The following VPS53 variants were observed in gnomAD, a reference collection of about 807,000 sequenced individuals.
VPS53 encodes the protein VPS53 subunit of GARP complex.
A neutral mutation model predicts 107.0 loss-of-function variants in VPS53; 70 were observed. The ratio of observed to expected loss-of-function variants is 0.65; its 90% CI spans 0.54 to 0.80. The LOEUF is 0.80. Among genes scored for constraint, VPS53 ranks in the 30% least tolerant of loss-of-function variants. The probability of loss-of-function intolerance (pLI) is 0.00; values close to 1 mark genes in which losing one functional copy is unlikely to be tolerated. For missense variants in VPS53, 917 were observed against 1,049.4 expected (o/e 0.87, Z 1.74); for synonymous variants, 409 against 393.3 (o/e 1.04, Z -0.47).
chr17:550,806 G>A (rs1041437504), intron 17 of VPS53, among the ~76,000 whole-genome samples: 1 of 151,642 alleles, frequency 6.6e-6, no homozygotes, highest in Admixed American at 6.6e-5. Context: ...ATGAGGTAGC[G>A]CTCAGTAAGT....
intron 7 of VPS53, among the ~76,000 whole-genome samples, chr17:650,591 T>C (rs1193106938): frequency 6.6e-6 from 1 of 152,116 alleles, no homozygotes; most frequent in East Asian, 1.9e-4. Flanking sequence ...TAGATAAAAA[T>C]GAAAAACAAC....
intron 4 of VPS53, among the ~76,000 whole-genome samples, chr17:677,554 T>C (rs148649508): frequency 3.5e-4 from 54 of 152,260 alleles, no homozygotes; most frequent in African/African-American, 1.3e-3. Context: ...TGGTTGTACA[T>C]TATGAATGTA....
At chr17:691,865 A>G (rs1205891088) in intron 4 of VPS53, among the ~76,000 whole-genome samples, 2 of 152,166 alleles carry the variant, frequency 1.3e-5, no homozygotes, top group Non-Finnish European at 2.9e-5. Flanking sequence ...ACTGTGCCTA[A>G]TTTGCATGCT....
At chr17:710,670 A>G in intron 1 of VPS53, 57 bp from the exon 2 acceptor site, 3 of 1,343,900 alleles carry the variant, frequency 2.2e-6, no homozygotes, top group Non-Finnish European at 3.1e-6. Context: ...AAATATATAT[A>G]ATTTTAATTT....
At position 512,570 on chromosome 17, in the gene VPS53, G is replaced by A. The variant is rs1417383923; in HGVS notation, c.*6558C>T. On this transcript the variant is annotated 3_prime_UTR_variant, in exon 22 of 22. Coordinates refer to ENST00000437048, the MANE Select transcript of VPS53 (RefSeq NM_001128159.3). ...GCAATGCCCTTCCAGGTGGGCTACA[G>A]GGAAGGTTCTTTTCTCATTAGGTTG... The A allele has an allele frequency of 6.6e-6, 1 of 152,214 alleles. No homozygotes were observed. The highest frequency in any genetic ancestry group is 1.5e-5 in the Non-Finnish European group (1 of 68,040). The allele number at this position is 152,214 out of a possible 1,614,324, so 9.4% of individuals were successfully genotyped here. A position where few individuals can be genotyped will look rare whatever the true frequency, so the allele number is the denominator to read the frequency against.
chr17:693,147 A>G (rs1972833578), intron 4 of VPS53, among the ~76,000 whole-genome samples: 1 of 152,088 alleles, frequency 6.6e-6, no homozygotes, highest in Non-Finnish European at 1.5e-5. Context: ...CAAAACAAAA[A>G]ACAAAGAAGC....
In VPS53 at chr17:623,529, T is replaced by G; in HGVS notation, c.1116+4A>C. Reference sequence around the variant, plus strand: ...ACGTGGCAGCTCCCTAGGGAAGGTCTTACCAGGGTCCCATCGGTCAGGGTG... The same window carrying G: ...ACGTGGCAGCTCCCTAGGGAAGGTCGTACCAGGGTCCCATCGGTCAGGGTG... On this transcript the variant is annotated splice_donor_region_variant and intron_variant, in intron 11 of 21. Transcript: ENST00000437048. The G allele has an allele frequency of 6.2e-7, 1 of 1,611,160 alleles. No homozygotes were observed. Among genetic ancestry groups the G allele is most frequent in the Non-Finnish European group, 8.5e-7 (1 of 1,177,808 alleles).
rs549156326 is a variant in VPS53 at position 634,809 on chromosome 17, G to T, written c.609-3181C>A. Among the ~76,000 whole-genome samples the T allele has an allele frequency of 9.9e-3, 1,505 of 151,490 alleles. 24 individuals are homozygous for T. Among genetic ancestry groups the T allele is most frequent in the African/African-American group, 0.034 (1,406 of 41,332 alleles). On this transcript the variant is annotated intron_variant, in intron 7 of 21. Transcript: ENST00000437048. ...CCAGTCTATCATTGATGGACATTTG[G>T]GTTGGTTCCAAGTCTTTGCTATTGT...
intron 4 of VPS53, among the ~76,000 whole-genome samples, chr17:694,254 T>C (rs1051576395): frequency 6.6e-6 from 1 of 152,184 alleles, no homozygotes; most frequent in Non-Finnish European, 1.5e-5. Flanking sequence ...AAATGTGGTC[T>C]TGCTCTGTGA....
chr17:695,533 T>A (rs556898132), intron 4 of VPS53, among the ~76,000 whole-genome samples: 2 of 151,980 alleles, frequency 1.3e-5, no homozygotes, highest in East Asian at 3.9e-4. Context: ...GAATTTTGAA[T>A]GCCAAGCAAA....
At chr17:585,977 T>TA (rs1053085514) in intron 13 of VPS53, among the ~76,000 whole-genome samples, 1 of 152,134 alleles carries the variant, frequency 6.6e-6, no homozygotes, top group Admixed American at 6.5e-5. Context: ...CCTGACACTG[T>TA]AAAGCTTTGT....
At position 513,798 on chromosome 17, in the gene VPS53, T is replaced by C. The variant is rs1373904552; in HGVS notation, c.*5330A>G. ...TCCAGCAGGTTATTCCGAGTGCTCT[T>C]CCTAGCGAAGGAATCCCATTTCCAG... On this transcript the variant is annotated 3_prime_UTR_variant, in exon 22 of 22. Transcript: ENST00000437048. The C allele has an allele frequency of 7.5e-6, 1 of 133,880 alleles. No homozygotes were observed. The highest frequency in any genetic ancestry group is 1.6e-5 in the Non-Finnish European group (1 of 62,034). 8.3% of individuals were successfully genotyped at this position (133,880 alleles called of 1,614,324 possible).
At position 667,404 on chromosome 17, in the gene VPS53, G is replaced by A. The variant is rs184825469; in HGVS notation, c.286-5509C>T. Among the ~76,000 whole-genome samples the A allele has an allele frequency of 8.6e-5, 13 of 151,426 alleles. No individual in the cohort carries two copies. In the East Asian group the frequency reaches 2.2e-3, roughly 25 times the overall value. On this transcript the variant is annotated intron_variant, in intron 4 of 21. Coordinates refer to ENST00000437048, the MANE Select transcript of VPS53 (RefSeq NM_001128159.3). ...TTAAAGATGAGAAATGCTTGCATAC[G>A]TCTGCTTGGGAGTGATTTAGCAGGA...
At chr17:533,081 T>G (rs1421797107) in intron 18 of VPS53, 170 bp from the exon 19 acceptor site, 1 of 1,272,732 alleles carries the variant, frequency 7.9e-7, no homozygotes, top group Non-Finnish European at 1.1e-6. Context: ...AGTCCTGGTT[T>G]TGTTTAGTTA....
rs937637060 is a variant in VPS53, at chr17:669,392, C to A, written c.286-7497G>T. On this transcript the variant is annotated intron_variant, in intron 4 of 21. Transcript: ENST00000437048. ...ATTACTTGAGGCCAGGAGTTCAAGA[C>A]CAGTCTGACCAACATGACGAAACTC... is the stretch of plus-strand genomic sequence containing the variant. Among the ~76,000 whole-genome samples, 21 of 151,892 alleles carry A rather than the reference C, an allele frequency of 1.4e-4. 1 individual carries two copies. Among genetic ancestry groups the A allele is most frequent in the Non-Finnish European group, 4.4e-5 (3 of 67,984 alleles).
At chr17:670,278 C>T (rs1394350264) in intron 4 of VPS53, among the ~76,000 whole-genome samples, 4 of 152,146 alleles carry the variant, frequency 2.6e-5, no homozygotes, top group East Asian at 1.9e-4. Flanking sequence ...TGTTATAAAG[C>T]GGTGACTGCC....
chr17:659,045 A>G lies in VPS53; in HGVS notation c.372+2764T>C, dbSNP rs1229891276. Among the ~76,000 whole-genome samples the G allele has an allele frequency of 3.3e-5, 5 of 152,260 alleles. No homozygotes were observed. The East Asian group carries it at 5.8e-4, about 18-fold the overall frequency. On this transcript the variant is annotated intron_variant, in intron 5 of 21. Transcript: ENST00000437048. ...CTCTGTTTCCAATGAATTAAAAAAA[A>G]AAAAAAAGGTTAAGACCACCACCAC...
intron 11 of VPS53, among the ~76,000 whole-genome samples, chr17:610,453 T>C (rs1042668435): frequency 3.9e-5 from 6 of 152,160 alleles, no homozygotes; most frequent in African/African-American, 1.4e-4. Flanking sequence ...TAAGTCTCTG[T>C]AGCCTTGGAT....
At chr17:671,222 C>T (rs576255326) in intron 4 of VPS53, among the ~76,000 whole-genome samples, 12 of 67,612 alleles carry the variant, frequency 1.8e-4, no homozygotes, top group Admixed American at 1.3e-3. Context: ...CAGAGTGAGA[C>T]GGAGAAAGAA....
Sources: gnomAD v4.1 joint callset for allele counts (sites outside exome capture counted in the v4.1 genomes callset) on GRCh38, gnomAD v4.1.1 for gene constraint, MANE v1.5 for transcripts, NCBI Gene and HGNC (gene_info 2026-07-23, HGNC 2026-07-21) for gene names.